Variants in SCNN1D observed in about 807,000 individuals in gnomAD.
SCNN1D encodes the protein epithelial sodium channel subunit delta.
In SCNN1D, 104 loss-of-function variants were observed where a neutral mutation model predicts 87.8. The ratio of observed to expected loss-of-function variants is 1.18; its 90% CI spans 1.01 to 1.39. The LOEUF (loss-of-function observed/expected upper bound fraction) is 1.39. SCNN1D is among the 40% of genes most tolerant of loss of function. The pLI is 0.00. For synonymous variants in SCNN1D, 628 were observed against 481.2 expected, an observed-to-expected ratio of 1.31 and a Z score of -3.99; for missense variants, 1,324 against 1,093.9, an observed-to-expected ratio of 1.21 and a Z score of -2.97.
chr1:1,291,063 A>G lies in SCNN1D; in HGVS notation c.1977-2A>G, dbSNP rs777066179. The G allele has an allele frequency of 2.5e-6, 4 of 1,604,830 alleles. No individual in the cohort carries two copies. The highest frequency in any genetic ancestry group is 2.2e-5 in the East Asian group (1 of 44,728). On this transcript the variant is annotated splice_acceptor_variant, in intron 16 of 17. Coordinates refer to ENST00000379116, the MANE Select transcript of SCNN1D (RefSeq NM_001130413.4). LOFTEE classifies it high-confidence loss of function. ...CGCCCTCATGCCTCTATCCTGCCCCAGGAGCAGCCTGGCCAAAATCAACAT... is the reference window on the plus strand; with the variant it reads ...CGCCCTCATGCCTCTATCCTGCCCCGGGAGCAGCCTGGCCAAAATCAACAT...
intron 4 of SCNN1D, among the ~76,000 whole-genome samples, chr1:1,283,702 A>G (rs992728177): frequency 2.0e-5 from 3 of 151,808 alleles, no homozygotes; most frequent in African/African-American, 7.3e-5. Flanking sequence ...CCATCTCAAG[A>G]AAAGAAAGAA....
intron 15 of SCNN1D, 55 bp downstream of exon 15, chr1:1,290,749 G>T: frequency 1.3e-6 from 2 of 1,597,274 alleles, no homozygotes; most frequent in East Asian, 2.2e-5. Flanking sequence ...GACCCCACAG[G>T]TCCCACAGAG....
At position 1,291,409 on chromosome 1, in the gene SCNN1D, G is replaced by T. The variant is rs562971371; in HGVS notation, c.2208G>T (p.Trp736Cys). ...GGCTCCGCAGGGCGTGGTTCTCCTG[G>T]CCCAGAGCCAGCCCTGCCTCAGGGG... is the stretch of plus-strand genomic sequence containing the variant. ...GRRLRRAWFS[W>C]PRASPASGAS... The change falls in exon 18 of 18, where the codon TGG becomes TGT. Residue 736 changes from tryptophan (W) to cysteine (C), a missense_variant. By Grantham distance (215) the Trp-to-Cys change is radical (BLOSUM62 -2). Transcript: ENST00000379116. The T allele has an allele frequency of 1.7e-5, 28 of 1,607,752 alleles. No individual in the cohort carries two copies. The Admixed American group carries it at 4.2e-4, about 24-fold the overall frequency.
chr1:1,282,680 C>T (rs1186959926), intron 4 of SCNN1D, among the ~76,000 whole-genome samples: 5 of 151,432 alleles, frequency 3.3e-5, no homozygotes, highest in Admixed American at 1.3e-4. Context: ...TGTGTGAGGT[C>T]GTAGCGTGTG....
At chr1:1,281,816 C>A in intron 3 of SCNN1D, 1 of 602,688 alleles carries the variant, frequency 1.7e-6, no homozygotes, top group Non-Finnish European at 2.9e-6. Context: ...TTTGGCTGGA[C>A]CGGGCCCCAC....
rs768787204 is a variant in SCNN1D at position 1,290,638 on chromosome 1, G to T, written c.1861G>T (p.Glu621Ter). 4 of 1,612,540 alleles carry T rather than the reference G, an allele frequency of 2.5e-6. No individual in the cohort carries two copies. The highest frequency in any genetic ancestry group is 2.5e-6 in the Non-Finnish European group (3 of 1,179,956). The stretch of plus-strand genomic sequence containing the variant: ...GTGACACCCGGCTGTCTCTTCCAGG[G>T]AGTCTGCATTCAAGCTCTCCACTGG... The part of the protein sequence containing the change: ...CTSRCPRPCR[E>*]SAFKLSTGTS... The change falls in exon 15 of 18, where the codon GAG becomes TAG. Residue 621 changes from glutamate (E) to a stop codon, truncating the protein, a stop_gained and splice_region_variant. Transcript: ENST00000379116. LOFTEE classifies it high-confidence loss of function.
chr1:1,281,727 T>A, intron 3 of SCNN1D, 117 bp downstream of exon 3: 1 of 947,648 alleles, frequency 1.1e-6, no homozygotes, highest in Non-Finnish European at 1.5e-6. Context: ...GGCATACGGG[T>A]CATGGAAGGG....
chr1:1,287,557 G>C lies in SCNN1D; in HGVS notation c.1360G>C (p.Asp454His). The C allele has an allele frequency of 6.4e-7, 1 of 1,553,958 alleles. No homozygotes were observed. Among genetic ancestry groups the C allele is most frequent in the Non-Finnish European group, 8.7e-7 (1 of 1,147,178 alleles). The change falls in exon 10 of 18, where the codon GAT becomes CAT. Residue 454 changes from aspartate (D) to histidine (H), a missense_variant. Asp to His is a moderately conservative substitution (Grantham distance 81, BLOSUM62 -1). Transcript: ENST00000379116. ...HPTYGSCYTV[D>H]GVWTAQRPGI... is the part of the protein sequence containing the mutation. ...CACCTACGGCAGCTGCTACACGGTC[G>C]ATGGCGTCTGGACAGCTCAGCGCCC...
In SCNN1D at chr1:1,291,668, G is replaced by C; in HGVS notation, c.*58G>C. The C allele has an allele frequency of 7.4e-7, 1 of 1,358,562 alleles. No homozygotes were observed. The highest frequency in any genetic ancestry group is 1.5e-5 in the South Asian group (1 of 66,954). The allele number at this position is 1,358,562 out of a possible 1,614,324, so 84.2% of individuals were successfully genotyped here. ...CCTGGTCCTTGCAGCTGTGGCAGCA[G>C]CAGGCTCCCCAGCGGCCCAGGGTGG... is the stretch of plus-strand genomic sequence containing the variant. On this transcript the variant is annotated 3_prime_UTR_variant, in exon 18 of 18. Transcript: ENST00000379116.
chr1:1,287,189 CTA>C lies in SCNN1D; in HGVS notation c.1202_1203del (p.Tyr401CysfsTer74), dbSNP rs1399815882. ...AAVQDWYHFHYVDILALLPAA... is the reference protein window; with the variant it reads ...AAVQDWYHFHXVDILALLPAA... ...CTGTCCAGGACTGGTACCACTTCCA[CTA>C]TGTGGATATCCTGGCCCTGCTGCCC... is the stretch of plus-strand genomic sequence containing the variant. On this transcript the variant is annotated frameshift_variant, in exon 9 of 18. Coordinates refer to ENST00000379116, the MANE Select transcript of SCNN1D (RefSeq NM_001130413.4). LOFTEE classifies it high-confidence loss of function. 7 of 1,612,212 alleles carry C rather than the reference CTA, an allele frequency of 4.3e-6. No individual in the cohort carries two copies. Among genetic ancestry groups the C allele is most frequent in the South Asian group, 3.3e-5 (3 of 91,064 alleles).
At position 1,290,126 on chromosome 1, in the gene SCNN1D, TCCCCCGTGTCTCTGCTCC is replaced by T; in HGVS notation, c.1663-144_1663-127del. 7.8e-6 allele frequency: 3 copies of T among 383,098 alleles called. 1 individual carries two copies. In the African/African-American group the frequency reaches 2.2e-4, roughly 28 times the overall value. 23.7% of individuals were successfully genotyped at this position (383,098 alleles called of 1,614,324 possible). A position where few individuals can be genotyped will look rare whatever the true frequency, so the allele number is the denominator to read the frequency against. On this transcript the variant is annotated intron_variant, in intron 12 of 17. Transcript: ENST00000379116. ...TGCTCCGTCCCGTGTCTCTGCTCCG[TCCCCCGTGTCTCTGCTCC>T]GTCCCGTGTCTCTGCTCCGTCCCGT...
chr1:1,284,269 TG>T, intron 5 of SCNN1D, among the ~76,000 whole-genome samples, 179 bp downstream of exon 5: 1 of 61,670 alleles, frequency 1.6e-5, no homozygotes, highest in Admixed American at 1.9e-4. Flanking sequence ...TGGTTGGGGT[TG>T]GGGGGACCCG....
chr1:1,288,007 G>A lies in SCNN1D; in HGVS notation c.1632G>A (p.Glu544=). The A allele has an allele frequency of 6.5e-7, 1 of 1,546,744 alleles. No individual in the cohort carries two copies. Residue 544 remains glutamate (E), a synonymous_variant, in exon 12 of 18, where the codon GAG becomes GAA. Coordinates refer to ENST00000379116, the MANE Select transcript of SCNN1D (RefSeq NM_001130413.4). ...CCGGCGGGGAAGGCGTGGAGGTGGA[G>A]CTGCTACACAACACCTCCTACACCA... ...CTAGGEGVEV[E]LLHNTSYTRQ...
chr1:1,284,605 G>A (rs1373445348), intron 5 of SCNN1D, among the ~76,000 whole-genome samples: 2 of 151,212 alleles, frequency 1.3e-5, no homozygotes, highest in Non-Finnish European at 3.0e-5. Context: ...TGGACCACGG[G>A]GGGTGCCGAG....
At position 1,287,150 on chromosome 1, in the gene SCNN1D, G is replaced by A. The variant is rs752844730; in HGVS notation, c.1161G>A (p.Thr387=). The change falls in exon 9 of 18, where the codon ACG becomes ACA. Residue 387 remains threonine (T), a synonymous_variant. Transcript: ENST00000379116. Reference sequence around the variant, plus strand: ...GCGACTGCTTTTACCGAGGCTACACGTCAGGCGTGGCGGCTGTCCAGGACT... The same window carrying A: ...GCGACTGCTTTTACCGAGGCTACACATCAGGCGTGGCGGCTGTCCAGGACT... ...TGGDCFYRGY[T]SGVAAVQDWY... The A allele has an allele frequency of 9.3e-6, 15 of 1,607,704 alleles. No homozygotes were observed. Among genetic ancestry groups the A allele is most frequent in the East Asian group, 2.2e-5 (1 of 44,734 alleles).
intron 5 of SCNN1D, 80 bp from the exon 6 acceptor site, chr1:1,285,491 G>T: frequency 1.0e-6 from 1 of 983,672 alleles, no homozygotes; most frequent in Non-Finnish European, 1.5e-6. Context: ...GCCATCAGGG[G>T]CAAGAAGGGC....
intron 7 of SCNN1D, 141 bp from the exon 8 acceptor site, chr1:1,286,627 A>G: frequency 2.5e-6 from 2 of 812,798 alleles, no homozygotes; most frequent in Non-Finnish European, 3.8e-6. Context: ...CACGGCCTCC[A>G]ACTCCAGCTC....
chr1:1,281,641 C>T lies in SCNN1D; in HGVS notation c.277+31C>T, dbSNP rs57558541. 5.4e-3 allele frequency: 8,273 copies of T among 1,522,780 alleles called. 399 individuals carry two copies. In the African/African-American group the frequency reaches 0.1, roughly 19 times the overall value. 94.3% of individuals were successfully genotyped at this position (1,522,780 alleles called of 1,614,324 possible). On this transcript the variant is annotated intron_variant, in intron 3 of 17. Transcript: ENST00000379116. ...TGAACCTCAGCCCTTAGAGGCCTTG[C>T]CCGGGAGGAGGGGAGGGGGGTGGAG...
rs621668 is a variant in SCNN1D at position 1,291,869 on chromosome 1, T to C, written c.*259T>C. 0.066 allele frequency: 26,809 copies of C among 407,948 alleles called. 1,242 individuals are homozygous for C. Among genetic ancestry groups the C allele is most frequent in the East Asian group, 0.15 (3,965 of 26,388 alleles). 25.3% of individuals were successfully genotyped at this position (407,948 alleles called of 1,614,324 possible). A position where few individuals can be genotyped will look rare whatever the true frequency, so the allele number is the denominator to read the frequency against. On this transcript the variant is annotated 3_prime_UTR_variant, in exon 18 of 18. Coordinates refer to ENST00000379116, the MANE Select transcript of SCNN1D (RefSeq NM_001130413.4). ...GGCTGGACGTGCCGACACGCGGTGA[T>C]GTACCCATGCTCCGTGTGTCTGTGT...
Sources: allele counts gnomAD v4.1 joint callset (sites outside exome capture counted in the v4.1 genomes callset), GRCh38; gene constraint gnomAD v4.1.1; transcripts MANE v1.5; gene names NCBI Gene and HGNC (gene_info 2026-07-23, HGNC 2026-07-21).